Variants in CACNA1E observed in about 807,000 individuals in gnomAD.
CACNA1E encodes voltage-dependent R-type calcium channel subunit alpha-1E.
CACNA1E carries 40 observed loss-of-function variants against 259.2 expected under a neutral mutation model. The ratio of observed to expected loss-of-function variants is 0.15; its 90% CI spans 0.12 to 0.20. The LOEUF (loss-of-function observed/expected upper bound fraction) is 0.20, where lower values mean the gene tolerates loss of function less well. Ranked by LOEUF, CACNA1E falls within the 10% of genes least tolerant of loss-of-function variation. The pLI, the probability that CACNA1E is intolerant of heterozygous loss-of-function variation, is 1.00. For missense variants in CACNA1E, 1,874 were observed against 3,040.1 expected, an observed-to-expected ratio of 0.62 and a Z score of 9.02; for synonymous variants, 1,104 against 1,138.5, an observed-to-expected ratio of 0.97 and a Z score of 0.61.
intron 40 of CACNA1E, 150 bp from the exon 41 acceptor site, chr1:181,784,511 C>A: frequency 1.7e-6 from 1 of 572,138 alleles, no homozygotes; most frequent in Non-Finnish European, 3.1e-6. Flanking sequence ...GCAGAAAGAC[C>A]TGGTATTGCA....
chr1:181,330,195 A>G (rs1437181471), intron 1 of CACNA1E, among the ~76,000 whole-genome samples: 2 of 152,294 alleles, frequency 1.3e-5, no homozygotes, highest in South Asian at 4.1e-4. Context: ...TGGATTGGAC[A>G]GAGAAGCTGA....
At chr1:181,438,935 T>TA in intron 2 of CACNA1E, among the ~76,000 whole-genome samples, 1 of 152,306 alleles carries the variant, frequency 6.6e-6, no homozygotes, top group Middle Eastern at 3.4e-3. Flanking sequence ...AGGGAATAGA[T>TA]AAAGTGTGGT....
At chr1:181,424,342 C>T (rs1047278795) in intron 2 of CACNA1E, among the ~76,000 whole-genome samples, 1 of 152,222 alleles carries the variant, frequency 6.6e-6, no homozygotes, top group South Asian at 2.1e-4. Flanking sequence ...TCAGCACACA[C>T]CCTTGAATTT....
intron 7 of CACNA1E, among the ~76,000 whole-genome samples, chr1:181,700,825 T>C (rs899654908): frequency 1.3e-5 from 2 of 152,162 alleles, no homozygotes; most frequent in African/African-American, 4.8e-5. Context: ...GTGTATTGAG[T>C]CACGTTTGGT....
chr1:181,622,908 G>C lies in CACNA1E; in HGVS notation c.952-28430G>C, dbSNP rs547984160. ...AACCGCGACAGCCCACTTATGCTTA[G>C]GAGCTTTTTCTGGGCACCTTTCAGC... On this transcript the variant is annotated intron_variant, in intron 6 of 47. Coordinates refer to ENST00000367573, the MANE Select transcript of CACNA1E (RefSeq NM_001205293.3). 3.9e-5 allele frequency among the ~76,000 whole-genome samples: 6 copies of C among 152,322 alleles called. No homozygotes were observed. In the South Asian group the frequency reaches 8.3e-4, roughly 21 times the overall value.
intron 3 of CACNA1E, among the ~76,000 whole-genome samples, chr1:181,571,754 T>C (rs1446865989): frequency 1.3e-5 from 2 of 152,158 alleles, no homozygotes; most frequent in Admixed American, 1.3e-4. Flanking sequence ...AGGTTCTTTG[T>C]TGGTATCGAT....
intron 6 of CACNA1E, among the ~76,000 whole-genome samples, chr1:181,634,682 C>T (rs1162786465): frequency 6.6e-6 from 1 of 152,130 alleles, no homozygotes; most frequent in Admixed American, 6.5e-5. Context: ...CTTGTGGGTG[C>T]CCTAGAAACT....
chr1:181,785,294 A>G lies in CACNA1E; in HGVS notation c.5579-24A>G, dbSNP rs755044243. 5 of 1,421,142 alleles carry G rather than the reference A, an allele frequency of 3.5e-6. No individual in the cohort carries two copies. The South Asian group carries it at 4.6e-5, about 13-fold the overall frequency. The allele number at this position is 1,421,142 out of a possible 1,614,324, so 88.0% of individuals were successfully genotyped here. ...TCCCATTATCTACTCCCTGTTCACC[A>G]TCATGCCACATTTGTGTTTCTAGCC... is the stretch of plus-strand genomic sequence containing the variant. On this transcript the variant is annotated intron_variant, in intron 41 of 47. Coordinates refer to ENST00000367573, the MANE Select transcript of CACNA1E (RefSeq NM_001205293.3).
In CACNA1E at chr1:181,494,363, T is replaced by C. The variant is rs190191368; in HGVS notation, c.266+10353T>C. ...GTGGCATTCCGTTTCTGACTTGAGA[T>C]AGTCAGCTAAAATCTCTGAATCTTT... is the stretch of plus-strand genomic sequence containing the variant. On this transcript the variant is annotated intron_variant, in intron 1 of 47. Transcript: ENST00000367573. 6.4e-4 allele frequency among the ~76,000 whole-genome samples: 97 copies of C among 152,112 alleles called. 1 individual carries two copies. The highest frequency in any genetic ancestry group is 1.7e-3 in the African/African-American group (70 of 41,518).
chr1:181,485,555 A>T lies in CACNA1E; in HGVS notation c.266+1545A>T, dbSNP rs1384427416. On this transcript the variant is annotated intron_variant, in intron 1 of 47. Transcript: ENST00000367573. This position sits in a 1 kb window ranked among gnomAD's most constrained non-coding sequence, Gnocchi z 4.2. The stretch of plus-strand genomic sequence containing the variant: ...TCCCCTGCTCCACTCTCACAGAGTG[A>T]TCCCAGGCCATCCATTGCCTGAGTT... Among the ~76,000 whole-genome samples the T allele has an allele frequency of 6.6e-6, 1 of 152,114 alleles. No individual in the cohort carries two copies. Among genetic ancestry groups the T allele is most frequent in the East Asian group, 1.9e-4 (1 of 5,190 alleles).
At chr1:181,374,877 G>T (rs1227182593) in intron 1 of CACNA1E, among the ~76,000 whole-genome samples, 1 of 151,966 alleles carries the variant, frequency 6.6e-6, no homozygotes, top group African/African-American at 2.4e-5. Context: ...AACTAAATTT[G>T]GCTTTAAAAA....
intron 17 of CACNA1E, 68 bp downstream of exon 17, chr1:181,724,605 T>G: frequency 7.7e-7 from 1 of 1,303,290 alleles, no homozygotes; most frequent in Non-Finnish European, 1.1e-6. Flanking sequence ...CCTTTGGAAC[T>G]CTCTCCCAAA....
chr1:181,699,737 G>A (rs896051858), intron 7 of CACNA1E, among the ~76,000 whole-genome samples: 6 of 152,170 alleles, frequency 3.9e-5, no homozygotes, highest in Non-Finnish European at 7.4e-5. Context: ...GGTGACAGCA[G>A]TGGGTTTGGA....
intron 18 of CACNA1E, among the ~76,000 whole-genome samples, chr1:181,730,742 C>G (rs1274031444): frequency 1.3e-5 from 2 of 152,204 alleles, no homozygotes; most frequent in African/African-American, 4.8e-5. Flanking sequence ...GAGTCATGAG[C>G]TGGGGAGCCA....
intron 7 of CACNA1E, among the ~76,000 whole-genome samples, chr1:181,692,588 C>T (rs1390857847): frequency 6.6e-6 from 1 of 152,132 alleles, no homozygotes; most frequent in African/African-American, 2.4e-5. Context: ...GCTGGGATAG[C>T]TGGTTAGCTA....
intron 1 of CACNA1E, among the ~76,000 whole-genome samples, chr1:181,351,597 C>T (rs191156646): frequency 1.7e-4 from 26 of 152,326 alleles, no homozygotes; most frequent in Admixed American, 9.8e-4. Context: ...GTCAAGGTGT[C>T]AGCTGGGCCA....
intron 6 of CACNA1E, among the ~76,000 whole-genome samples, chr1:181,584,997 C>T (rs930422853): frequency 6.7e-6 from 1 of 150,088 alleles, no homozygotes; most frequent in African/African-American, 2.5e-5. Flanking sequence ...CACTCATGCT[C>T]TGGAATAAAC....
intron 3 of CACNA1E, among the ~76,000 whole-genome samples, chr1:181,545,044 A>G (rs1398007228): frequency 6.6e-6 from 1 of 152,184 alleles, no homozygotes; most frequent in Non-Finnish European, 1.5e-5. Context: ...TTTAGCAAGC[A>G]CTCAGATCAT....
upstream of CACNA1E, among the ~76,000 whole-genome samples, chr1:181,483,048 G>T (rs1166521755): frequency 6.6e-6 from 1 of 152,230 alleles, no homozygotes; most frequent in Non-Finnish European, 1.5e-5. Context: ...TGCGGTTTAC[G>T]CAGGAACCTC....
Sources: gnomAD v4.1 joint callset for allele counts (sites outside exome capture counted in the v4.1 genomes callset) on GRCh38, gnomAD v4.1.1 for gene constraint, Gnocchi (gnomAD v3.1) non-coding constraint, MANE v1.5 for transcripts, NCBI Gene and HGNC (gene_info 2026-07-23, HGNC 2026-07-21) for gene names.